The following CCDC178 variants were observed in gnomAD, a reference collection of about 807,000 sequenced individuals.
CCDC178 encodes coiled-coil domain-containing protein 178.
A neutral mutation model predicts 117.4 loss-of-function variants in CCDC178; 126 were observed. That is an observed-to-expected ratio of 1.07 (90% CI 0.93 to 1.24). The LOEUF (loss-of-function observed/expected upper bound fraction) is 1.24. Among genes scored for constraint, CCDC178 ranks in the 50% most tolerant of loss-of-function variants. CCDC178 has a pLI of 0.00. For synonymous variants in CCDC178, 283 were observed against 313.4 expected (o/e 0.90, Z 1.02); for missense variants, 1,030 against 986.9 (o/e 1.04, Z -0.59).
Position 32,951,060 on chromosome 18 carries a change from T to C in CCDC178, c.2524-12969A>G, listed in dbSNP as rs182667518. Among the ~76,000 whole-genome samples, 7 of 152,288 alleles carry C rather than the reference T, an allele frequency of 4.6e-5. No individual in the cohort carries two copies. In the East Asian group the frequency reaches 1.4e-3, roughly 29 times the overall value. On this transcript the variant is annotated intron_variant, in intron 22 of 22. Transcript: ENST00000383096. ...ATTTGTTTTGTCAAAAGAAAAAAAA[T>C]AGTCTGCAAAATTAGACTTATTTAT...
chr18:33,336,492 T>C (rs1223766954), intron 9 of CCDC178, among the ~76,000 whole-genome samples: 1 of 152,130 alleles, frequency 6.6e-6, no homozygotes, highest in Non-Finnish European at 1.5e-5. Flanking sequence ...ATATTTTAAA[T>C]GATTTGAAGA....
chr18:33,200,973 A>C (rs2058984290), intron 20 of CCDC178, among the ~76,000 whole-genome samples: 1 of 152,226 alleles, frequency 6.6e-6, no homozygotes, highest in Non-Finnish European at 1.5e-5. Context: ...TCTTTTCCAA[A>C]GTAAACTGAA....
intron 3 of CCDC178, among the ~76,000 whole-genome samples, chr18:33,405,679 G>C (rs2063770723): frequency 6.6e-6 from 1 of 152,020 alleles, no homozygotes; most frequent in African/African-American, 2.4e-5. Flanking sequence ...TATTTCCTGG[G>C]ATCCCTTTCT....
intron 21 of CCDC178, among the ~76,000 whole-genome samples, chr18:33,039,071 A>G (rs983348792): frequency 1.3e-5 from 2 of 152,074 alleles, no homozygotes; most frequent in Admixed American, 1.3e-4. Context: ...AACAAAAATG[A>G]CCAGTTAAAA....
chr18:33,267,140 G>A, intron 13 of CCDC178, 62 bp downstream of exon 13: 5 of 1,524,754 alleles, frequency 3.3e-6, no homozygotes, highest in Non-Finnish European at 4.4e-6. Context: ...TTAGATATAT[G>A]AGTTAATATT....
At chr18:33,222,978 C>T in intron 18 of CCDC178, 128 bp downstream of exon 18, 1 of 653,254 alleles carries the variant, frequency 1.5e-6, no homozygotes, top group Admixed American at 3.1e-5. Context: ...GCGCTTTTAT[C>T]CCTAGTCGAT....
At chr18:33,426,781 G>A (rs958411577) in intron 2 of CCDC178, among the ~76,000 whole-genome samples, 3 of 151,950 alleles carry the variant, frequency 2.0e-5, no homozygotes, top group Non-Finnish European at 4.4e-5. Context: ...AAACAGCAAG[G>A]GCTTTGTCTG....
chr18:33,185,753 C>T (rs1364717386), intron 20 of CCDC178, among the ~76,000 whole-genome samples: 1 of 151,982 alleles, frequency 6.6e-6, no homozygotes. Context: ...ATACCCTTAA[C>T]AAGAGCAGAG....
At chr18:33,054,688 A>T (rs8083528) in intron 21 of CCDC178, among the ~76,000 whole-genome samples, 141,286 of 152,306 alleles carry the variant, frequency 0.93, 66,500 homozygotes, top group East Asian at 1. Context: ...GCATTTAGGT[A>T]GATTCTATGT....
chr18:32,942,127 G>A (rs1407224694), intron 22 of CCDC178, among the ~76,000 whole-genome samples: 24 of 152,096 alleles, frequency 1.6e-4, no homozygotes, highest in Admixed American at 1.2e-3. Flanking sequence ...TAGTAAATGA[G>A]TTTGAAGTTC....
intron 15 of CCDC178, among the ~76,000 whole-genome samples, chr18:33,243,394 T>C (rs2059511288): frequency 6.6e-6 from 1 of 151,896 alleles, no homozygotes; most frequent in South Asian, 2.1e-4. Context: ...AGAAAGATGA[T>C]ATTGAATATT....
intron 11 of CCDC178, among the ~76,000 whole-genome samples, chr18:33,309,378 AT>A (rs2062304681): frequency 6.6e-6 from 1 of 152,186 alleles, no homozygotes; most frequent in Non-Finnish European, 1.5e-5. Flanking sequence ...TTTGTCTAAT[AT>A]CCAAGTTTTC....
intron 20 of CCDC178, among the ~76,000 whole-genome samples, chr18:33,145,649 C>T (rs2058258742): frequency 6.6e-6 from 1 of 152,140 alleles, no homozygotes; most frequent in South Asian, 2.1e-4. Context: ...GAGAATAGTT[C>T]TGCACAAATG....
intron 20 of CCDC178, among the ~76,000 whole-genome samples, chr18:33,139,562 C>A (rs2058172208): frequency 6.6e-6 from 1 of 152,154 alleles, no homozygotes; most frequent in Non-Finnish European, 1.5e-5. Flanking sequence ...AGCAAACAGA[C>A]TGGTGGCATT....
chr18:33,017,151 G>T (rs2056008988), intron 21 of CCDC178, among the ~76,000 whole-genome samples: 1 of 151,800 alleles, frequency 6.6e-6, no homozygotes, highest in Non-Finnish European at 1.5e-5. Context: ...TGGAAAGGAA[G>T]AATGTAAACT....
intron 20 of CCDC178, among the ~76,000 whole-genome samples, chr18:33,144,189 T>C (rs1168661972): frequency 6.6e-6 from 1 of 152,122 alleles, no homozygotes; most frequent in Non-Finnish European, 1.5e-5. Flanking sequence ...ATAGCTTGTT[T>C]CTCCTCAAAT....
intron 21 of CCDC178, among the ~76,000 whole-genome samples, chr18:33,090,142 C>T (rs943271590): frequency 2.6e-5 from 4 of 151,962 alleles, no homozygotes; most frequent in South Asian, 2.1e-4. Context: ...ACATTTGAGA[C>T]GTGTATATAA....
chr18:33,352,585 ATTTCGTAAG>A (rs1430612625), intron 7 of CCDC178, among the ~76,000 whole-genome samples: 2 of 152,038 alleles, frequency 1.3e-5, no homozygotes, highest in Non-Finnish European at 2.9e-5. Flanking sequence ...CTTTTGCTGC[ATTTCGTAAG>A]TTTAAATACA....
At chr18:33,430,265 CTGTT>C (rs2064190842) in intron 2 of CCDC178, among the ~76,000 whole-genome samples, 2 of 152,274 alleles carry the variant, frequency 1.3e-5, no homozygotes, top group Non-Finnish European at 2.9e-5. Context: ...CAATGTATAA[CTGTT>C]CGTTAGCAGT....
Sources: allele counts gnomAD v4.1 joint callset (sites outside exome capture counted in the v4.1 genomes callset), GRCh38; gene constraint gnomAD v4.1.1; transcripts MANE v1.5; gene names NCBI Gene and HGNC (gene_info 2026-07-23, HGNC 2026-07-21).